GRIA4: variants seen among roughly 807,000 people sequenced by gnomAD.
GRIA4 encodes the protein glutamate ionotropic receptor AMPA type subunit 4.
A neutral mutation model predicts 104.0 loss-of-function variants in GRIA4; 34 were observed. The ratio of observed to expected loss-of-function variants is 0.33; its 90% CI spans 0.25 to 0.44. The LOEUF (loss-of-function observed/expected upper bound fraction) is 0.44. GRIA4 is among the 20% of genes least tolerant of loss of function. The pLI is 1.00. For synonymous variants in GRIA4, 386 were observed against 381.9 expected (o/e 1.01, Z -0.13); for missense variants, 750 against 1,096.5 (o/e 0.68, Z 4.46).
chr11:105,817,482 G>C (rs1351851732), intron 4 of GRIA4, among the ~76,000 whole-genome samples: 3 of 151,594 alleles, frequency 2.0e-5, no homozygotes, highest in Non-Finnish European at 4.4e-5. Context: ...TAAAGTAATA[G>C]TTTTTAAATT....
intron 13 of GRIA4, among the ~76,000 whole-genome samples, chr11:105,927,614 T>C (rs1947746231): frequency 6.6e-6 from 1 of 152,094 alleles, no homozygotes; most frequent in South Asian, 2.1e-4. Flanking sequence ...TGTAATTGCA[T>C]TGTATGTCCC....
At chr11:105,753,950 A>C (rs1940157676) in intron 4 of GRIA4, among the ~76,000 whole-genome samples, 1 of 152,262 alleles carries the variant, frequency 6.6e-6, no homozygotes, top group African/African-American at 2.4e-5. Flanking sequence ...ATGTTCAGCC[A>C]TCCGGAAGCC....
At chr11:105,778,262 T>C (rs533704646) in intron 4 of GRIA4, among the ~76,000 whole-genome samples, 8 of 152,348 alleles carry the variant, frequency 5.3e-5, no homozygotes, top group Admixed American at 2.6e-4. Flanking sequence ...TGTGACCTAG[T>C]ATTATTTTAT....
chr11:105,894,848 G>C (rs969561800), intron 6 of GRIA4, among the ~76,000 whole-genome samples: 1 of 100,416 alleles, frequency 1.0e-5, no homozygotes, highest in African/African-American at 3.7e-5. Context: ...GCTGGACTGC[G>C]GACTGCAGTG....
At chr11:105,804,850 G>C (rs941481813) in intron 4 of GRIA4, among the ~76,000 whole-genome samples, 1 of 151,736 alleles carries the variant, frequency 6.6e-6, no homozygotes, top group Non-Finnish European at 1.5e-5. Flanking sequence ...CATTGCAGTG[G>C]GATTTTCAAT....
chr11:105,794,371 C>T (rs73552293), intron 4 of GRIA4, among the ~76,000 whole-genome samples: 1,735 of 147,834 alleles, frequency 0.012, 48 homozygotes, highest in African/African-American at 0.04. Flanking sequence ...ACAGCTCTAT[C>T]TCCAGCAAAT....
intron 3 of GRIA4, among the ~76,000 whole-genome samples, chr11:105,677,803 A>G (rs531514965): frequency 6.6e-4 from 101 of 152,152 alleles, no homozygotes; most frequent in African/African-American, 2.1e-3. Flanking sequence ...TTCTAGATTC[A>G]GGAAATAGCA....
chr11:105,978,139 T>G (rs558148559), intron 16 of GRIA4, among the ~76,000 whole-genome samples: 1 of 152,190 alleles, frequency 6.6e-6, no homozygotes, highest in Admixed American at 6.5e-5. Flanking sequence ...CAGTTTCATT[T>G]ACAAGAAAGA....
intron 14 of GRIA4, among the ~76,000 whole-genome samples, chr11:105,942,768 C>T (rs1026251726): frequency 6.6e-6 from 1 of 152,040 alleles, no homozygotes; most frequent in African/African-American, 2.4e-5. Flanking sequence ...AGTTCAACTT[C>T]CATAAATTTT....
intron 13 of GRIA4, among the ~76,000 whole-genome samples, chr11:105,931,475 G>C (rs533718706): frequency 3.3e-5 from 5 of 151,790 alleles, no homozygotes; most frequent in Non-Finnish European, 5.9e-5. Flanking sequence ...AGGCCGAGGC[G>C]GTGGATTACC....
chr11:105,715,987 G>T lies in GRIA4; in HGVS notation c.248-36994G>T, dbSNP rs538231518. On this transcript the variant is annotated intron_variant, in intron 3 of 16. Coordinates refer to ENST00000282499, the MANE Select transcript of GRIA4 (RefSeq NM_000829.4). ...ACTAATTGCAAGTGAGGCCCAGGAAGAAGAGGAAAGTAGACATACAGGGCT... is the reference window on the plus strand; with the variant it reads ...ACTAATTGCAAGTGAGGCCCAGGAATAAGAGGAAAGTAGACATACAGGGCT... Among the ~76,000 whole-genome samples, 157 of 152,262 alleles carry T rather than the reference G, an allele frequency of 1.0e-3. 2 individuals are homozygous for T. Among genetic ancestry groups the T allele is most frequent in the Admixed American group, 4.4e-3 (67 of 15,278 alleles).
At chr11:105,950,961 TG>T (rs1165181510) in intron 14 of GRIA4, among the ~76,000 whole-genome samples, 28 of 152,298 alleles carry the variant, frequency 1.8e-4, no homozygotes, top group African/African-American at 6.3e-4. Context: ...GCAGAAGACC[TG>T]TGCCCCAGCT....
intron 14 of GRIA4, among the ~76,000 whole-genome samples, chr11:105,959,076 T>G (rs1046090051): frequency 1.3e-5 from 2 of 152,174 alleles, no homozygotes; most frequent in Non-Finnish European, 2.9e-5. Flanking sequence ...GAGAATCTGA[T>G]GATTATGTGT....
intron 5 of GRIA4, among the ~76,000 whole-genome samples, chr11:105,871,447 T>C (rs1315838066): frequency 6.6e-6 from 1 of 151,144 alleles, no homozygotes. Context: ...GAGGTTTTTT[T>C]TTGTGTTTTA....
At chr11:105,805,731 A>G (rs1479609122) in intron 4 of GRIA4, among the ~76,000 whole-genome samples, 1 of 151,870 alleles carries the variant, frequency 6.6e-6, no homozygotes, top group African/African-American at 2.4e-5. Flanking sequence ...TATCCCATCC[A>G]TAGACATTTC....
At chr11:105,728,287 A>G (rs1278847741) in intron 3 of GRIA4, among the ~76,000 whole-genome samples, 1 of 152,244 alleles carries the variant, frequency 6.6e-6, no homozygotes, top group Non-Finnish European at 1.5e-5. Context: ...AGGGCATTAC[A>G]TAATGGTAAA....
intron 3 of GRIA4, among the ~76,000 whole-genome samples, chr11:105,673,209 T>G (rs960380266): frequency 3.0e-4 from 45 of 152,154 alleles, no homozygotes; most frequent in African/African-American, 1.0e-3. Flanking sequence ...CCTACCTCAG[T>G]GCATTGTACT....
intron 4 of GRIA4, among the ~76,000 whole-genome samples, chr11:105,836,939 G>A (rs1172085364): frequency 6.6e-6 from 1 of 152,106 alleles, no homozygotes; most frequent in East Asian, 1.9e-4. Context: ...TTCTCACACT[G>A]CTATAAAGAA....
intron 4 of GRIA4, among the ~76,000 whole-genome samples, chr11:105,758,653 T>G (rs770650503): frequency 3.4e-4 from 52 of 152,290 alleles, no homozygotes; most frequent in South Asian, 6.2e-4. Context: ...CAAATGATAA[T>G]GTACAATTAA....
Sources: gnomAD v4.1 joint callset for allele counts (sites outside exome capture counted in the v4.1 genomes callset) on GRCh38, gnomAD v4.1.1 for gene constraint, MANE v1.5 for transcripts, NCBI Gene and HGNC (gene_info 2026-07-23, HGNC 2026-07-21) for gene names.